The following ZSWIM5 variants were observed in gnomAD, a reference collection of about 807,000 sequenced individuals.
The protein encoded by ZSWIM5 is zinc finger SWIM domain-containing protein 5.
ZSWIM5 carries 55 observed loss-of-function variants against 119.6 expected under a neutral mutation model. The ratio of observed to expected loss-of-function variants is 0.46; its 90% confidence interval spans 0.37 to 0.58. The LOEUF is 0.58. Ranked by LOEUF, ZSWIM5 falls within the 20% of genes least tolerant of loss-of-function variation. The probability of loss-of-function intolerance (pLI) is 0.00; values close to 1 mark genes in which losing one functional copy is unlikely to be tolerated. For missense variants in ZSWIM5, 1,193 were observed against 1,512.8 expected (o/e 0.79, Z 3.51); for synonymous variants, 537 against 606.9 (o/e 0.88, Z 1.69).
At chr1:45,049,768 C>G (rs1418122146) in intron 5 of ZSWIM5, among the ~76,000 whole-genome samples, 1 of 152,062 alleles carries the variant, frequency 6.6e-6, no homozygotes, top group Non-Finnish European at 1.5e-5. Flanking sequence ...GAGCCGAGAT[C>G]GCAGTACTGC....
At chr1:45,036,341 T>C (rs753938222) in intron 8 of ZSWIM5, 42 bp from the exon 9 acceptor site, 2 of 1,542,374 alleles carry the variant, frequency 1.3e-6, no homozygotes, top group Non-Finnish European at 1.7e-6. Flanking sequence ...TTAGGCTTGG[T>C]AGAGTCTTCT....
At chr1:45,022,257 C>A (rs1044150797) in intron 11 of ZSWIM5, among the ~76,000 whole-genome samples, 1 of 151,064 alleles carries the variant, frequency 6.6e-6, no homozygotes, top group Non-Finnish European at 1.5e-5. Flanking sequence ...CAGCCTCCCG[C>A]GTAGCTGAGA....
chr1:45,025,777 T>C (rs940100206), intron 11 of ZSWIM5, among the ~76,000 whole-genome samples: 4 of 152,182 alleles, frequency 2.6e-5, no homozygotes, highest in African/African-American at 9.6e-5. Flanking sequence ...TACAATCCCT[T>C]CCTTTCCAAT....
chr1:45,116,931 TA>T (rs1260802197), intron 1 of ZSWIM5, among the ~76,000 whole-genome samples: 1 of 152,182 alleles, frequency 6.6e-6, no homozygotes, highest in Non-Finnish European at 1.5e-5. Flanking sequence ...GAACTTTAAG[TA>T]ACTATATTTA....
chr1:45,088,611 G>C lies in ZSWIM5; in HGVS notation c.596-374C>G, dbSNP rs1488034802. Among the ~76,000 whole-genome samples the C allele has an allele frequency of 6.6e-6, 1 of 152,148 alleles. No homozygotes were observed. The highest frequency in any genetic ancestry group is 1.9e-4 in the East Asian group (1 of 5,186). ...CCCTGTAGTAGATTTTCAGCTCTAG[G>C]TGGTAGGCAAAGACAAGTCTACAAA... On this transcript the variant is annotated intron_variant, in intron 1 of 13. Transcript: ENST00000359600. The surrounding 1 kb of genome is among the most constrained non-coding windows in gnomAD (Gnocchi z 4.2).
chr1:45,071,004 T>C (rs1645218239), intron 2 of ZSWIM5, among the ~76,000 whole-genome samples: 1 of 152,170 alleles, frequency 6.6e-6, no homozygotes, highest in African/African-American at 2.4e-5. Context: ...GGGTAGATAG[T>C]AGGTATATAT....
At chr1:45,102,885 C>G (rs1284126778) in intron 1 of ZSWIM5, among the ~76,000 whole-genome samples, 5 of 151,906 alleles carry the variant, frequency 3.3e-5, no homozygotes, top group Admixed American at 2.0e-4. Flanking sequence ...GGTGGGGGTA[C>G]AGGGTCTTGC....
rs71040545 is a variant in ZSWIM5 at position 45,068,107 on chromosome 1, C to CTT, written c.953-7862_953-7861dup. ...GCAATTTTTCTTTTTTTTTTTTTTTCTTTTTTTTTTTTTGAGATGGAGTCT... is the reference window on the plus strand; with the variant it reads ...GCAATTTTTCTTTTTTTTTTTTTTTCTTTTTTTTTTTTTTTGAGATGGAGTCT... On this transcript the variant is annotated intron_variant, in intron 2 of 13. Coordinates refer to ENST00000359600, the MANE Select transcript of ZSWIM5 (RefSeq NM_020883.2). 6.6e-3 allele frequency among the ~76,000 whole-genome samples: 744 copies of CTT among 113,136 alleles called. 14 individuals are homozygous for CTT. Among genetic ancestry groups the CTT allele is most frequent in the African/African-American group, 9.9e-3 (293 of 29,452 alleles). 74.2% of individuals were successfully genotyped at this position (113,136 alleles called of 152,430 possible). A position where few individuals can be genotyped will look rare whatever the true frequency, so the allele number is the denominator to read the frequency against.
At chr1:45,164,658 G>A (rs1645889207) in intron 1 of ZSWIM5, among the ~76,000 whole-genome samples, 1 of 151,920 alleles carries the variant, frequency 6.6e-6, no homozygotes, top group African/African-American at 2.4e-5. Flanking sequence ...AAAAGCAGGA[G>A]TTGCAATCCT....
intron 5 of ZSWIM5, among the ~76,000 whole-genome samples, chr1:45,047,459 T>G (rs1645062789): frequency 6.6e-6 from 1 of 152,222 alleles, no homozygotes. Flanking sequence ...ACCACCCATT[T>G]CTACCACCCA....
In ZSWIM5 at chr1:45,018,180, G is replaced by T. The variant is rs1450693761; in HGVS notation, c.*274C>A. 2.0e-6 allele frequency: 1 copy of T among 493,462 alleles called. No homozygotes were observed. The highest frequency in any genetic ancestry group is 3.6e-6 in the Non-Finnish European group (1 of 274,182). 30.6% of individuals were successfully genotyped at this position (493,462 alleles called of 1,614,324 possible). ...GAGACAGGGCCAATGCTCAGGACAC[G>T]CAGGATATAGGGGCATGAGGTGGCA... On this transcript the variant is annotated 3_prime_UTR_variant, in exon 14 of 14. Transcript: ENST00000359600. The surrounding 1 kb of genome is among the most constrained non-coding windows in gnomAD (Gnocchi z 6.7).
chr1:45,060,361 T>G, intron 2 of ZSWIM5, 114 bp from the exon 3 acceptor site: 1 of 1,113,896 alleles, frequency 9.0e-7, no homozygotes, highest in South Asian at 1.5e-5. Context: ...TGCTTTAATA[T>G]GGGTTTTGTC....
chr1:45,043,793 GAGA>G (rs74260608), intron 5 of ZSWIM5, among the ~76,000 whole-genome samples: 13,506 of 152,212 alleles, frequency 0.089, 840 homozygotes, highest in Admixed American at 0.2. Context: ...CAAAGGTAGA[GAGA>G]AGAAGCTAGG....
intron 2 of ZSWIM5, among the ~76,000 whole-genome samples, chr1:45,084,084 A>AT (rs958276352): frequency 6.6e-5 from 10 of 152,006 alleles, no homozygotes; most frequent in Non-Finnish European, 1.3e-4. Flanking sequence ...TAATTTTTGA[A>AT]TTTTTTGTGG....
At chr1:45,084,974 T>C (rs1451867445) in intron 2 of ZSWIM5, among the ~76,000 whole-genome samples, 1 of 152,236 alleles carries the variant, frequency 6.6e-6, no homozygotes, top group Non-Finnish European at 1.5e-5. Context: ...CCAACCCACA[T>C]TTCCCCTCCA....
At chr1:45,113,664 G>A (rs1474406034) in intron 1 of ZSWIM5, among the ~76,000 whole-genome samples, 1 of 152,162 alleles carries the variant, frequency 6.6e-6, no homozygotes, top group East Asian at 1.9e-4. Flanking sequence ...ATAAAATGAT[G>A]GTAAGAATTA....
intron 11 of ZSWIM5, among the ~76,000 whole-genome samples, chr1:45,028,295 A>G (rs1197081646): frequency 6.6e-6 from 1 of 152,212 alleles, no homozygotes; most frequent in Non-Finnish European, 1.5e-5. Flanking sequence ...AAGGTCATGA[A>G]GACTTATTCC....
rs75707257 is a variant in ZSWIM5 at position 45,117,013 on chromosome 1, G to C, written c.596-28776C>G. On this transcript the variant is annotated intron_variant, in intron 1 of 13. Coordinates refer to ENST00000359600, the MANE Select transcript of ZSWIM5 (RefSeq NM_020883.2). ...ACATTTTAAACTTTGAAGAATTCAA[G>C]GTCAAGTCATTTTATTATGCAATAG... Among the ~76,000 whole-genome samples, 294 of 152,248 alleles carry C rather than the reference G, an allele frequency of 1.9e-3. 1 individual carries two copies. Among genetic ancestry groups the C allele is most frequent in the African/African-American group, 6.6e-3 (276 of 41,542 alleles).
intron 1 of ZSWIM5, among the ~76,000 whole-genome samples, chr1:45,180,571 G>A (rs1463019191): frequency 2.0e-5 from 3 of 152,136 alleles, no homozygotes; most frequent in African/African-American, 7.2e-5. Flanking sequence ...ACAGCTTTAA[G>A]GAGAGCAGTG....
Sources: allele counts gnomAD v4.1 joint callset (sites outside exome capture counted in the v4.1 genomes callset), GRCh38; gene constraint gnomAD v4.1.1; non-coding constraint Gnocchi (gnomAD v3.1); transcripts MANE v1.5; gene names NCBI Gene and HGNC (gene_info 2026-07-23, HGNC 2026-07-21).